Variants in TIGIT observed in about 807,000 individuals in gnomAD.
TIGIT encodes T-cell immunoreceptor with Ig and ITIM domains.
In TIGIT, 11 loss-of-function variants were observed where a neutral mutation model predicts 19.6. That is an observed-to-expected ratio of 0.56 (90% confidence interval 0.35 to 0.93). TIGIT has a LOEUF of 0.93. Among genes scored for constraint, TIGIT ranks in the 40% least tolerant of loss-of-function variants. TIGIT has a pLI of 0.01. For missense variants in TIGIT, 295 were observed against 303.9 expected (o/e 0.97, Z 0.22); for synonymous variants, 130 against 125.5 (o/e 1.04, Z -0.24).
chr3:114,309,576 A>T lies in TIGIT; in HGVS notation c.*1445A>T, dbSNP rs566995296. 8 of 152,216 alleles carry T rather than the reference A, an allele frequency of 5.3e-5. 1 individual carries two copies. The highest frequency in any genetic ancestry group is 1.7e-4 in the African/African-American group (7 of 41,534). The allele number at this position is 152,216 out of a possible 1,614,324, so 9.4% of individuals were successfully genotyped here. A position where few individuals can be genotyped will look rare whatever the true frequency, so the allele number is the denominator to read the frequency against. On this transcript the variant is annotated 3_prime_UTR_variant, in exon 4 of 4. Transcript: ENST00000383671. Reference sequence around the variant, plus strand: ...TTCTCCTAGGATTTTTATTATTATTATTTTTTCACTTTTCTACCAAATGGG... The same window carrying T: ...TTCTCCTAGGATTTTTATTATTATTTTTTTTTCACTTTTCTACCAAATGGG...
intron 3 of TIGIT, among the ~76,000 whole-genome samples, chr3:114,305,187 C>T (rs941188848): frequency 6.6e-6 from 1 of 151,930 alleles, no homozygotes; most frequent in African/African-American, 2.4e-5. Context: ...TAACTATTTA[C>T]CCTATACACC....
chr3:114,305,986 G>A (rs1202639226), intron 3 of TIGIT, among the ~76,000 whole-genome samples: 1 of 152,090 alleles, frequency 6.6e-6, no homozygotes, highest in Non-Finnish European at 1.5e-5. Context: ...CTGCAAGCTG[G>A]AGACCTTGGG....
At chr3:114,296,346 C>T (rs1391412517) in intron 2 of TIGIT, among the ~76,000 whole-genome samples, 2 of 152,180 alleles carry the variant, frequency 1.3e-5, no homozygotes, top group East Asian at 1.9e-4. Flanking sequence ...CCCAAATGCC[C>T]TCATATTTGT....
At chr3:114,305,670 C>T (rs972593088) in intron 3 of TIGIT, among the ~76,000 whole-genome samples, 9 of 152,096 alleles carry the variant, frequency 5.9e-5, no homozygotes, top group South Asian at 2.1e-4. Context: ...GAGCTCACAG[C>T]GTACACTCCC....
chr3:114,308,169 T>G lies in TIGIT; in HGVS notation c.*38T>G, dbSNP rs1358125368. On this transcript the variant is annotated 3_prime_UTR_variant, in exon 4 of 4. Coordinates refer to ENST00000383671, the MANE Select transcript of TIGIT (RefSeq NM_173799.4). ...TCTTCTGGAAGATACACTTTTGTCT[T>G]TGCTATTATAGATGAATATATAAGC... is the stretch of plus-strand genomic sequence containing the variant. The G allele has an allele frequency of 6.4e-7, 1 of 1,563,216 alleles. No individual in the cohort carries two copies. Among genetic ancestry groups the G allele is most frequent in the African/African-American group, 1.4e-5 (1 of 73,820 alleles).
Position 114,305,281 on chromosome 3 carries a change from GT to G in TIGIT, c.499-2612del, listed in dbSNP as rs200338209. The stretch of plus-strand genomic sequence containing the variant: ...TTTCACCACCAGTCATGGGGTTTGT[GT>G]TGCCATCTAGCAGGTGAATGATCCC... On this transcript the variant is annotated intron_variant, in intron 3 of 3. Transcript: ENST00000383671. 6.0e-3 allele frequency among the ~76,000 whole-genome samples: 920 copies of G among 152,284 alleles called. 17 individuals are homozygous for G. The highest frequency in any genetic ancestry group is 0.021 in the African/African-American group (893 of 41,568).
At chr3:114,294,365 G>C (rs1038365376) in intron 1 of TIGIT, among the ~76,000 whole-genome samples, 2 of 152,176 alleles carry the variant, frequency 1.3e-5, no homozygotes, top group Admixed American at 1.3e-4. Flanking sequence ...GGAGGAGCCT[G>C]ACTGGCCAGC....
chr3:114,297,491 C>A (rs111292247), intron 2 of TIGIT, among the ~76,000 whole-genome samples: 171 of 152,232 alleles, frequency 1.1e-3, no homozygotes, highest in African/African-American at 3.7e-3. Flanking sequence ...CAAGTGATGG[C>A]CTTGACCATT....
intron 3 of TIGIT, among the ~76,000 whole-genome samples, chr3:114,307,236 G>T (rs539520454): frequency 6.6e-6 from 1 of 152,298 alleles, no homozygotes; most frequent in South Asian, 2.1e-4. Flanking sequence ...CTTGCCGTGG[G>T]TCATCAGGTG....
In TIGIT at chr3:114,309,596, AATGGGTTAC is replaced by A. The variant is rs2078558770; in HGVS notation, c.*1468_*1476del. ...TTATTATTTTTTCACTTTTCTACCA[AATGGGTTAC>A]ATAGGAAGAATGAACTGAAATCTGT... On this transcript the variant is annotated 3_prime_UTR_variant, in exon 4 of 4. Coordinates refer to ENST00000383671, the MANE Select transcript of TIGIT (RefSeq NM_173799.4). 6.6e-6 allele frequency: 1 copy of A among 152,170 alleles called. No individual in the cohort carries two copies. The highest frequency in any genetic ancestry group is 2.1e-4 in the South Asian group (1 of 4,826). The allele number at this position is 152,170 out of a possible 1,614,324, so 9.4% of individuals were successfully genotyped here. A position where few individuals can be genotyped will look rare whatever the true frequency, so the allele number is the denominator to read the frequency against.
chr3:114,301,664 CTT>C (rs2078493462), intron 3 of TIGIT, among the ~76,000 whole-genome samples: 2 of 152,174 alleles, frequency 1.3e-5, no homozygotes, highest in South Asian at 4.1e-4. Context: ...CCTGGACTAA[CTT>C]TGGTCATCTG....
intron 2 of TIGIT, among the ~76,000 whole-genome samples, chr3:114,298,248 G>A (rs2078467789): frequency 6.6e-6 from 1 of 152,140 alleles, no homozygotes; most frequent in African/African-American, 2.4e-5. Context: ...AACTGTGAAT[G>A]GAGACATTGG....
chr3:114,306,189 C>T (rs1375679456), intron 3 of TIGIT, among the ~76,000 whole-genome samples: 1 of 152,024 alleles, frequency 6.6e-6, no homozygotes, highest in East Asian at 1.9e-4. Flanking sequence ...GTCCCAACTC[C>T]AAAGAGAGAA....
chr3:114,302,064 G>C (rs2078496055), intron 3 of TIGIT, among the ~76,000 whole-genome samples: 1 of 152,158 alleles, frequency 6.6e-6, no homozygotes, highest in Non-Finnish European at 1.5e-5. Flanking sequence ...TGGAAGGAGA[G>C]AGTTATGTGG....
chr3:114,307,037 A>G (rs549667012), intron 3 of TIGIT, among the ~76,000 whole-genome samples: 82 of 152,316 alleles, frequency 5.4e-4, no homozygotes, highest in African/African-American at 2.0e-3. Flanking sequence ...AGAGATGGAA[A>G]AGAGGGAGTA....
At chr3:114,304,970 A>G (rs997328204) in intron 3 of TIGIT, among the ~76,000 whole-genome samples, 14 of 152,188 alleles carry the variant, frequency 9.2e-5, no homozygotes, top group African/African-American at 3.4e-4. Context: ...CAATTAGCTT[A>G]TGTACCTGGT....
intron 3 of TIGIT, among the ~76,000 whole-genome samples, chr3:114,301,542 G>C (rs1052173920): frequency 1.3e-5 from 2 of 152,214 alleles, no homozygotes; most frequent in Admixed American, 1.3e-4. Context: ...CAGGTTCTCT[G>C]CTGTTAGCAG....
At chr3:114,304,100 G>C (rs1376440576) in intron 3 of TIGIT, among the ~76,000 whole-genome samples, 2 of 151,690 alleles carry the variant, frequency 1.3e-5, no homozygotes, top group Non-Finnish European at 2.9e-5. Context: ...TTTTTGATGG[G>C]ATTTTTTTTT....
intron 3 of TIGIT, among the ~76,000 whole-genome samples, chr3:114,301,714 G>A (rs2078493768): frequency 6.6e-6 from 1 of 152,174 alleles, no homozygotes; most frequent in African/African-American, 2.4e-5. Context: ...GAGACCTATT[G>A]AGTCCTGTTG....
Sources: gnomAD v4.1 joint callset for allele counts (sites outside exome capture counted in the v4.1 genomes callset) on GRCh38, gnomAD v4.1.1 for gene constraint, MANE v1.5 for transcripts, NCBI Gene and HGNC (gene_info 2026-07-23, HGNC 2026-07-21) for gene names.